The following BCKDHB variants were observed in gnomAD, a reference collection of about 807,000 sequenced individuals.
BCKDHB encodes the protein 2-oxoisovalerate dehydrogenase subunit beta, mitochondrial.
A neutral mutation model predicts 48.5 loss-of-function variants in BCKDHB; 41 were observed. That is an observed-to-expected ratio of 0.85 (90% confidence interval 0.66 to 1.10). BCKDHB has a LOEUF of 1.10. BCKDHB is among the 50% of genes least tolerant of loss of function. The pLI is 0.00. For missense variants in BCKDHB, 496 were observed against 494.2 expected, an observed-to-expected ratio of 1.00 and a Z score of -0.03; for synonymous variants, 201 against 174.8, an observed-to-expected ratio of 1.15 and a Z score of -1.18.
intron 8 of BCKDHB, among the ~76,000 whole-genome samples, chr6:80,221,998 C>T (rs1020261814): frequency 4.6e-5 from 7 of 152,100 alleles, no homozygotes; most frequent in East Asian, 1.9e-4. Flanking sequence ...GGTACACATG[C>T]GTGTTTGTTA....
the BCKDHB span, among the ~76,000 whole-genome samples, chr6:80,405,057 C>G: frequency 3.3e-5 from 5 of 152,120 alleles, no homozygotes; most frequent in African/African-American, 4.8e-5. Context: ...GGTCCATTTC[C>G]TCTATAGTGC....
chr6:80,340,963 C>T (rs901796605), intron 9 of BCKDHB, among the ~76,000 whole-genome samples: 12 of 152,136 alleles, frequency 7.9e-5, no homozygotes, highest in Admixed American at 7.2e-4. Flanking sequence ...CTTAATTGAC[C>T]TAAGGGTCTT....
chr6:80,412,357 G>A, the BCKDHB span, among the ~76,000 whole-genome samples: 1 of 151,942 alleles, frequency 6.6e-6, no homozygotes, highest in Non-Finnish European at 1.5e-5. Context: ...ATGTTGGCCA[G>A]TCTGGTCTTG....
chr6:80,369,967 TCTTA>T, the BCKDHB span, among the ~76,000 whole-genome samples: 3 of 152,224 alleles, frequency 2.0e-5, no homozygotes, highest in African/African-American at 7.2e-5. Flanking sequence ...TGAGTTTCTC[TCTTA>T]CTATTGTTTT....
the BCKDHB span, among the ~76,000 whole-genome samples, chr6:80,366,034 C>T: frequency 0.39 from 59,977 of 152,072 alleles, 12,839 homozygotes; most frequent in East Asian, 0.66. Flanking sequence ...GCAGTTTGTG[C>T]TTTTATTAGT....
chr6:80,152,695 A>G (rs1771849960), intron 3 of BCKDHB, among the ~76,000 whole-genome samples: 2 of 152,180 alleles, frequency 1.3e-5, no homozygotes. Flanking sequence ...ATTAGTTGTA[A>G]TATATCTTCT....
intron 6 of BCKDHB, among the ~76,000 whole-genome samples, chr6:80,181,182 A>G (rs1773395982): frequency 6.6e-6 from 1 of 152,204 alleles, no homozygotes; most frequent in African/African-American, 2.4e-5. Context: ...GCTAAATGTC[A>G]GCTGGATCCT....
At chr6:80,188,179 C>T (rs765239070) in intron 6 of BCKDHB, among the ~76,000 whole-genome samples, 6 of 152,264 alleles carry the variant, frequency 3.9e-5, no homozygotes, top group Non-Finnish European at 8.8e-5. Flanking sequence ...CTTTGCAGGA[C>T]ATATCTGGAG....
chr6:80,454,804 T>A, the BCKDHB span, among the ~76,000 whole-genome samples: 1 of 152,246 alleles, frequency 6.6e-6, no homozygotes, highest in Non-Finnish European at 1.5e-5. Flanking sequence ...AAGTTGACTT[T>A]TACGTTCTGC....
chr6:80,264,606 A>G (rs1438105269), intron 8 of BCKDHB, among the ~76,000 whole-genome samples: 1 of 152,092 alleles, frequency 6.6e-6, no homozygotes, highest in Non-Finnish European at 1.5e-5. Context: ...TGTCATGGAT[A>G]AGCAGTCTGG....
At chr6:80,334,421 A>C (rs1330005699) in intron 9 of BCKDHB, among the ~76,000 whole-genome samples, 3 of 152,086 alleles carry the variant, frequency 2.0e-5, no homozygotes, top group Admixed American at 2.0e-4. Context: ...GAGAGTACAA[A>C]GATAAATTTA....
At chr6:80,225,457 G>T (rs1775641635) in intron 8 of BCKDHB, among the ~76,000 whole-genome samples, 1 of 152,146 alleles carries the variant, frequency 6.6e-6, no homozygotes, top group Non-Finnish European at 1.5e-5. Context: ...TTAAATGGCT[G>T]TTAATTTTTA....
intron 8 of BCKDHB, among the ~76,000 whole-genome samples, chr6:80,224,697 A>T (rs1775606434): frequency 6.6e-6 from 1 of 152,076 alleles, no homozygotes; most frequent in African/African-American, 2.4e-5. Context: ...ACTGTGCCAG[A>T]CCCCCAAAAA....
chr6:80,125,930 A>G (rs557052184), intron 1 of BCKDHB, among the ~76,000 whole-genome samples: 1 of 152,216 alleles, frequency 6.6e-6, no homozygotes. Flanking sequence ...GGGTTGCTAC[A>G]AAGTTTCCAT....
In BCKDHB at chr6:80,273,234, T is replaced by C. The variant is rs750591348; in HGVS notation, c.1038+13T>C. On this transcript the variant is annotated intron_variant, in intron 9 of 9. Transcript: ENST00000320393. Reference sequence around the variant, plus strand: ...CTCTACAGTTCAGGTAGAGTAATTTTTGGAACTGATTTCAATGCTTGTGCA... The same window carrying C: ...CTCTACAGTTCAGGTAGAGTAATTTCTGGAACTGATTTCAATGCTTGTGCA... 5.6e-6 allele frequency: 9 copies of C among 1,605,662 alleles called. No homozygotes were observed. The highest frequency in any genetic ancestry group is 3.4e-6 in the Non-Finnish European group (4 of 1,172,584).
chr6:80,429,066 G>A, the BCKDHB span, among the ~76,000 whole-genome samples: 1 of 152,088 alleles, frequency 6.6e-6, no homozygotes, highest in Non-Finnish European at 1.5e-5. Context: ...TAAGGGAGGG[G>A]TCCAGTTTCA....
At chr6:80,160,278 T>A (rs1772249201) in intron 3 of BCKDHB, among the ~76,000 whole-genome samples, 1 of 152,148 alleles carries the variant, frequency 6.6e-6, no homozygotes, top group South Asian at 2.1e-4. Context: ...TGCCTCAGCC[T>A]CCCAAGTAGC....
intron 6 of BCKDHB, among the ~76,000 whole-genome samples, chr6:80,196,867 A>G (rs1451554543): frequency 1.3e-5 from 2 of 152,310 alleles, no homozygotes; most frequent in South Asian, 4.1e-4. Context: ...TACAATATAC[A>G]TTAAAAAAAT....
upstream of BCKDHB, chr6:80,106,640 TC>T: frequency 6.5e-7 from 1 of 1,530,086 alleles, no homozygotes; most frequent in South Asian, 1.2e-5. Flanking sequence ...TGCTCCGCCC[TC>T]CCCGCAGGCG....
Sources: allele counts gnomAD v4.1 joint callset (sites outside exome capture counted in the v4.1 genomes callset), GRCh38; gene constraint gnomAD v4.1.1; transcripts MANE v1.5; gene names NCBI Gene and HGNC (gene_info 2026-07-23, HGNC 2026-07-21).